Variants in CACNA2D3 observed in about 807,000 individuals in gnomAD.
CACNA2D3 encodes the protein calcium voltage-gated channel auxiliary subunit alpha2delta 3, also known as voltage-dependent calcium channel subunit alpha-2/delta-3.
In CACNA2D3, 60 loss-of-function variants were observed where a neutral mutation model predicts 160.6. That is an observed-to-expected ratio of 0.37 (90% CI 0.30 to 0.46). CACNA2D3 has a LOEUF of 0.46. Among genes scored for constraint, CACNA2D3 ranks in the 20% least tolerant of loss-of-function variants. The probability of loss-of-function intolerance (pLI) is 1.00; values close to 1 mark genes in which losing one functional copy is unlikely to be tolerated. For missense variants in CACNA2D3, 1,205 were observed against 1,365.0 expected, an observed-to-expected ratio of 0.88 and a Z score of 1.85; for synonymous variants, 558 against 492.9, an observed-to-expected ratio of 1.13 and a Z score of -1.75.
intron 8 of CACNA2D3, among the ~76,000 whole-genome samples, chr3:54,579,232 A>G (rs1239225764): frequency 2.0e-5 from 3 of 152,208 alleles, no homozygotes; most frequent in Non-Finnish European, 4.4e-5. Context: ...TTGGTTCAGC[A>G]TACAGGCATC....
chr3:55,026,527 GA>G (rs1026143723), intron 35 of CACNA2D3, among the ~76,000 whole-genome samples: 5 of 152,094 alleles, frequency 3.3e-5, no homozygotes, highest in Non-Finnish European at 1.5e-5. Flanking sequence ...GTCGCAGAAG[GA>G]AGGCTTAGGT....
chr3:54,785,458 T>A (rs917629366), intron 13 of CACNA2D3, among the ~76,000 whole-genome samples: 4 of 152,206 alleles, frequency 2.6e-5, no homozygotes, highest in South Asian at 2.1e-4. Context: ...TTATTTATTT[T>A]TTTTGGTAGA....
At chr3:54,886,605 G>T (rs190145481) in intron 23 of CACNA2D3, among the ~76,000 whole-genome samples, 95 of 152,168 alleles carry the variant, frequency 6.2e-4, no homozygotes, top group African/African-American at 2.3e-3. Flanking sequence ...ATGACCTTCT[G>T]TATTTGTTCA....
intron 2 of CACNA2D3, among the ~76,000 whole-genome samples, chr3:54,185,031 G>T (rs1700856680): frequency 6.6e-6 from 1 of 152,128 alleles, no homozygotes; most frequent in South Asian, 2.1e-4. Context: ...AAGTGGGAGG[G>T]GTTTGTGTAT....
intron 2 of CACNA2D3, among the ~76,000 whole-genome samples, chr3:54,248,973 C>T (rs903833869): frequency 1.3e-5 from 2 of 152,138 alleles, no homozygotes; most frequent in Admixed American, 6.5e-5. Flanking sequence ...TGAATATGTA[C>T]GTGTGCAAGG....
At position 54,638,993 on chromosome 3, in the gene CACNA2D3, A is replaced by G. The variant is rs568563319; in HGVS notation, c.1054-3135A>G. ...GGCAAGCCCAGAGAAAAGAGTAGAG[A>G]CACGGAGAAGGGGTGGGGGTTTCTT... On this transcript the variant is annotated intron_variant, in intron 10 of 37. Coordinates refer to ENST00000474759, the MANE Select transcript of CACNA2D3 (RefSeq NM_018398.3). The G allele has an allele frequency of 9.2e-4, 140 of 152,232 alleles. 1 individual carries two copies. Among genetic ancestry groups the G allele is most frequent in the African/African-American group, 3.0e-3 (124 of 41,276 alleles). 9.4% of individuals were successfully genotyped at this position (152,232 alleles called of 1,614,324 possible).
intron 2 of CACNA2D3, among the ~76,000 whole-genome samples, chr3:54,295,049 C>G (rs2107482568): frequency 6.6e-6 from 1 of 152,184 alleles, no homozygotes; most frequent in East Asian, 1.9e-4. Context: ...CATTTTGTGC[C>G]AGTCAAAGGC....
intron 17 of CACNA2D3, among the ~76,000 whole-genome samples, chr3:54,858,131 A>G (rs1330716155): frequency 6.6e-6 from 1 of 151,710 alleles, no homozygotes; most frequent in Non-Finnish European, 1.5e-5. Flanking sequence ...ACCTCATCAA[A>G]ATGTAATTAC....
rs752293286 is a variant in CACNA2D3, at chr3:55,004,760, T to C, written c.2691-3T>C. The C allele has an allele frequency of 1.2e-6, 2 of 1,610,324 alleles. No individual in the cohort carries two copies. Among genetic ancestry groups the C allele is most frequent in the East Asian group, 2.2e-5 (1 of 44,820 alleles). ...GAAGCTCCCTTCCATTTCTTTCCTGTAGAATTACCCTTTATGACTACCAAG... is the reference window on the plus strand; with the variant it reads ...GAAGCTCCCTTCCATTTCTTTCCTGCAGAATTACCCTTTATGACTACCAAG... On this transcript the variant is annotated splice_polypyrimidine_tract_variant and splice_region_variant and intron_variant, in intron 31 of 37. Transcript: ENST00000474759.
In CACNA2D3 at chr3:54,891,446, A is replaced by C; in HGVS notation, c.2242A>C (p.Asn748His). Reference sequence around the variant, plus strand: ...GTTTGTCGGGGCTGAGCAGCTCACCAATCAGTAAGTAGGAGGGATCCTCTA... The same window carrying C: ...GTTTGTCGGGGCTGAGCAGCTCACCCATCAGTAAGTAGGAGGGATCCTCTA... Reference protein sequence around the residue: ...NLFVGAEQLTNQDFLKAGDKE... With the variant: ...NLFVGAEQLTHQDFLKAGDKE... Residue 748 changes from asparagine to histidine, a missense_variant, in exon 25 of 38, where the codon AAT (asparagine) becomes CAT (histidine). Transcript: ENST00000474759. 2.5e-6 allele frequency: 4 copies of C among 1,612,990 alleles called. No homozygotes were observed. Among genetic ancestry groups the C allele is most frequent in the Non-Finnish European group, 2.5e-6 (3 of 1,179,028 alleles).
intron 2 of CACNA2D3, among the ~76,000 whole-genome samples, chr3:54,149,434 C>G (rs1314603083): frequency 1.3e-5 from 2 of 152,166 alleles, no homozygotes; most frequent in Non-Finnish European, 2.9e-5. Context: ...GGGGCCCACA[C>G]AAGTCCAAGA....
intron 4 of CACNA2D3, among the ~76,000 whole-genome samples, chr3:54,433,966 C>T (rs776126548): frequency 6.6e-6 from 1 of 152,238 alleles, no homozygotes; most frequent in African/African-American, 2.4e-5. Flanking sequence ...TCCATTCCCC[C>T]ACCTGGTGGT....
intron 4 of CACNA2D3, among the ~76,000 whole-genome samples, chr3:54,473,459 G>A (rs906851847): frequency 4.6e-5 from 7 of 152,260 alleles, no homozygotes; most frequent in Admixed American, 3.3e-4. Flanking sequence ...ATACCATTCA[G>A]GACATAGGCA....
At chr3:55,008,673 A>G (rs187780671) in intron 33 of CACNA2D3, among the ~76,000 whole-genome samples, 67 of 152,314 alleles carry the variant, frequency 4.4e-4, no homozygotes, top group African/African-American at 1.5e-3. Context: ...AAAGAACATT[A>G]ACAGATAATA....
At chr3:54,499,293 C>T (rs1701250728) in intron 4 of CACNA2D3, among the ~76,000 whole-genome samples, 1 of 152,130 alleles carries the variant, frequency 6.6e-6, no homozygotes, top group African/African-American at 2.4e-5. Context: ...GACTTTGCCT[C>T]ATGTACCCCT....
chr3:54,543,593 C>T (rs1039048072), intron 5 of CACNA2D3, among the ~76,000 whole-genome samples: 1 of 152,252 alleles, frequency 6.6e-6, no homozygotes, highest in South Asian at 2.1e-4. Context: ...TGCCATGTCG[C>T]GGCTGAGGCT....
At chr3:54,240,097 C>T (rs924878857) in intron 2 of CACNA2D3, among the ~76,000 whole-genome samples, 5 of 152,174 alleles carry the variant, frequency 3.3e-5, no homozygotes, top group East Asian at 3.9e-4. Flanking sequence ...TTTATGACAA[C>T]AGCGTCTGGG....
intron 25 of CACNA2D3, among the ~76,000 whole-genome samples, chr3:54,893,507 T>C (rs956738235): frequency 1.2e-4 from 18 of 152,224 alleles, no homozygotes; most frequent in Admixed American, 4.6e-4. Flanking sequence ...CATCAAATGG[T>C]ATTTGTCAAG....
At chr3:54,124,751 A>G (rs1014781742) in intron 2 of CACNA2D3, among the ~76,000 whole-genome samples, 4 of 152,264 alleles carry the variant, frequency 2.6e-5, no homozygotes, top group African/African-American at 4.8e-5. Context: ...AAAATCGCCA[A>G]TAGCCTTATT....
Sources: allele counts gnomAD v4.1 joint callset (sites outside exome capture counted in the v4.1 genomes callset), GRCh38; gene constraint gnomAD v4.1.1; transcripts MANE v1.5; gene names NCBI Gene and HGNC (gene_info 2026-07-23, HGNC 2026-07-21).